The following SIPA1L1 variants were observed in gnomAD, a reference collection of about 807,000 sequenced individuals.
SIPA1L1 encodes the protein signal-induced proliferation-associated 1-like protein 1.
In SIPA1L1, 26 loss-of-function variants were observed where a neutral mutation model predicts 162.7. The observed-to-expected ratio is 0.16, with a 90% CI of 0.12 to 0.22. The LOEUF (loss-of-function observed/expected upper bound fraction) is 0.22. Ranked by LOEUF, SIPA1L1 falls within the 10% of genes least tolerant of loss-of-function variation. The pLI, the probability that SIPA1L1 is intolerant of heterozygous loss-of-function variation, is 1.00. For synonymous variants in SIPA1L1, 829 were observed against 837.4 expected (o/e 0.99, Z 0.17); for missense variants, 1,874 against 2,241.0 (o/e 0.84, Z 3.31).
chr14:71,402,070 T>C (rs2041710197), intron 2 of SIPA1L1, among the ~76,000 whole-genome samples: 2 of 152,134 alleles, frequency 1.3e-5, no homozygotes, highest in Admixed American at 6.6e-5. Context: ...TGTCCCGTTA[T>C]TAAGTTAGCT....
At chr14:71,725,230 C>T (rs1002463251) in intron 19 of SIPA1L1, among the ~76,000 whole-genome samples, 5 of 152,174 alleles carry the variant, frequency 3.3e-5, no homozygotes, top group Non-Finnish European at 5.9e-5. Flanking sequence ...AGAGGGTCCT[C>T]GTCTTCTCAG....
intron 4 of SIPA1L1, among the ~76,000 whole-genome samples, chr14:71,539,487 T>C (rs1158928544): frequency 1.3e-5 from 2 of 152,208 alleles, no homozygotes; most frequent in African/African-American, 4.8e-5. Flanking sequence ...GTTGCTGGTA[T>C]TTCATAATAT....
chr14:71,614,369 T>A (rs2038584182), intron 5 of SIPA1L1, among the ~76,000 whole-genome samples: 1 of 152,188 alleles, frequency 6.6e-6, no homozygotes, highest in Non-Finnish European at 1.5e-5. Context: ...TTTCTATACT[T>A]CTGTAATCCT....
intron 2 of SIPA1L1, among the ~76,000 whole-genome samples, chr14:71,372,369 A>C (rs1318922413): frequency 6.6e-6 from 1 of 152,154 alleles, no homozygotes; most frequent in African/African-American, 2.4e-5. Context: ...AATTTACTTG[A>C]ATAGACTCAG....
At chr14:71,643,737 G>A (rs1384524872) in intron 7 of SIPA1L1, among the ~76,000 whole-genome samples, 6 of 152,106 alleles carry the variant, frequency 3.9e-5, no homozygotes, top group African/African-American at 9.7e-5. Flanking sequence ...ACTTTCATAC[G>A]GCCTTTTCAG....
intron 2 of SIPA1L1, among the ~76,000 whole-genome samples, chr14:71,446,911 T>TTA (rs1567035173): frequency 7.9e-6 from 1 of 127,080 alleles, no homozygotes; most frequent in Non-Finnish European, 1.6e-5. Flanking sequence ...TTTTTGTTTT[T>TTA]TTTTTTTTTT....
chr14:71,456,487 G>C (rs562854079), intron 2 of SIPA1L1, among the ~76,000 whole-genome samples: 1 of 152,148 alleles, frequency 6.6e-6, no homozygotes, highest in Non-Finnish European at 1.5e-5. Flanking sequence ...TATGTTTTAT[G>C]AATCCAGCTG....
At chr14:71,640,126 ACTC>A (rs1184529424) in intron 7 of SIPA1L1, among the ~76,000 whole-genome samples, 4 of 151,932 alleles carry the variant, frequency 2.6e-5, no homozygotes, top group Non-Finnish European at 5.9e-5. Flanking sequence ...CTGGTCTCAA[ACTC>A]CTGATCTCAA....
At chr14:71,345,637 G>A (rs1322152855) in intron 2 of SIPA1L1, among the ~76,000 whole-genome samples, 1 of 149,190 alleles carries the variant, frequency 6.7e-6, no homozygotes, top group South Asian at 2.1e-4. Flanking sequence ...GCAGTGGCGC[G>A]ATCTTGGCTC....
chr14:71,723,802 G>T lies in SIPA1L1; in HGVS notation c.4364G>T (p.Arg1455Leu). 6.2e-7 allele frequency: 1 copy of T among 1,614,050 alleles called. No homozygotes were observed. The highest frequency in any genetic ancestry group is 1.7e-5 in the Admixed American group (1 of 60,014). ...SSSGPRSFYP[R>L]QGATSKYLIG... Reference sequence around the variant, plus strand: ...TCTGGTCCTAGGAGTTTTTACCCTCGCCAGGGCGCTACTAGCAAGTACCTG... The same window carrying T: ...TCTGGTCCTAGGAGTTTTTACCCTCTCCAGGGCGCTACTAGCAAGTACCTG... Residue 1455 changes from arginine (R) to leucine (L), a missense_variant, in exon 18 of 24, where the codon CGC becomes CTC. Coordinates refer to ENST00000381232, the MANE Select transcript of SIPA1L1 (RefSeq NM_001386936.1).
At position 71,558,757 on chromosome 14, in the gene SIPA1L1, C is replaced by T. The variant is rs563030092; in HGVS notation, c.-302-28814C>T. Among the ~76,000 whole-genome samples, 3 of 152,254 alleles carry T rather than the reference C, an allele frequency of 2.0e-5. No homozygotes were observed. The East Asian group carries it at 5.8e-4, about 29-fold the overall frequency. On this transcript the variant is annotated intron_variant, in intron 4 of 23. Transcript: ENST00000381232. The stretch of plus-strand genomic sequence containing the variant: ...GAAGTACAGTGGCACAGTCATGGCT[C>T]ACTATATACTCAAACCTCCAGGGTC...
chr14:71,417,243 G>T (rs1359128686), intron 2 of SIPA1L1, among the ~76,000 whole-genome samples: 1 of 151,640 alleles, frequency 6.6e-6, no homozygotes, highest in Non-Finnish European at 1.5e-5. Flanking sequence ...AGGCCGAGGC[G>T]GGTGGATCAC....
intron 2 of SIPA1L1, among the ~76,000 whole-genome samples, chr14:71,347,148 A>G (rs890447237): frequency 2.7e-5 from 4 of 150,874 alleles, no homozygotes; most frequent in African/African-American, 9.8e-5. Flanking sequence ...TTTAGTAGAG[A>G]TGGGGTATCA....
intron 5 of SIPA1L1, among the ~76,000 whole-genome samples, chr14:71,602,617 A>G (rs970085062): frequency 1.3e-4 from 20 of 152,208 alleles, no homozygotes; most frequent in Non-Finnish European, 2.4e-4. Flanking sequence ...TTCTTTATTG[A>G]TTTTCTGTCT....
intron 2 of SIPA1L1, chr14:71,413,868 T>G (rs1248048860): frequency 6.6e-6 from 1 of 152,244 alleles, no homozygotes. Flanking sequence ...TTTCCCCTTT[T>G]ACTTACTATG....
intron 3 of SIPA1L1, among the ~76,000 whole-genome samples, chr14:71,527,956 C>G (rs1377958339): frequency 1.3e-5 from 2 of 152,192 alleles, no homozygotes; most frequent in Non-Finnish European, 2.9e-5. Flanking sequence ...AGCACAATCT[C>G]AGCTCACTGC....
At chr14:71,511,701 A>T (rs776726000) in intron 2 of SIPA1L1, among the ~76,000 whole-genome samples, 3 of 152,162 alleles carry the variant, frequency 2.0e-5, no homozygotes, top group Admixed American at 2.0e-4. Flanking sequence ...TATTAATACG[A>T]TGACTAGTGG....
intron 2 of SIPA1L1, among the ~76,000 whole-genome samples, chr14:71,430,735 A>G (rs991216589): frequency 6.6e-6 from 1 of 152,196 alleles, no homozygotes; most frequent in Non-Finnish European, 1.5e-5. Context: ...CTGCTTCTTG[A>G]GAAACCACAG....
At chr14:71,572,566 G>A (rs1390633148) in intron 4 of SIPA1L1, among the ~76,000 whole-genome samples, 1 of 152,184 alleles carries the variant, frequency 6.6e-6, no homozygotes, top group African/African-American at 2.4e-5. Flanking sequence ...TCAGGATGGT[G>A]ATTGGTGGGA....
Sources: allele counts gnomAD v4.1 joint callset (sites outside exome capture counted in the v4.1 genomes callset), GRCh38; gene constraint gnomAD v4.1.1; transcripts MANE v1.5; gene names NCBI Gene and HGNC (gene_info 2026-07-23, HGNC 2026-07-21).